Variants in PGM1 observed in about 807,000 individuals in gnomAD.
The protein encoded by PGM1 is phosphoglucomutase 1.
A neutral mutation model predicts 55.6 loss-of-function variants in PGM1; 52 were observed. The ratio of observed to expected loss-of-function variants is 0.94; its 90% CI spans 0.75 to 1.18. The LOEUF is 1.18. Among genes scored for constraint, PGM1 ranks in the 50% most tolerant of loss-of-function variants. The pLI, the probability that PGM1 is intolerant of heterozygous loss-of-function variation, is 0.00. For synonymous variants in PGM1, 287 were observed against 271.7 expected, an observed-to-expected ratio of 1.06 and a Z score of -0.55; for missense variants, 724 against 729.3, an observed-to-expected ratio of 0.99 and a Z score of 0.08.
intron 4 of PGM1, among the ~76,000 whole-genome samples, chr1:63,632,383 A>C (rs1270928680): frequency 6.6e-6 from 1 of 152,154 alleles, no homozygotes; most frequent in East Asian, 1.9e-4. Context: ...ATACACATAC[A>C]TCTGCCTGGT....
intron 1 of PGM1, among the ~76,000 whole-genome samples, chr1:63,598,212 G>A (rs1648138578): frequency 6.6e-6 from 1 of 152,114 alleles, no homozygotes; most frequent in Non-Finnish European, 1.5e-5. Flanking sequence ...GGGCTCAAGC[G>A]ATCTGCCTGC....
chr1:63,649,441 T>G (rs1424803758), intron 8 of PGM1, among the ~76,000 whole-genome samples: 8 of 152,232 alleles, frequency 5.3e-5, no homozygotes, highest in Non-Finnish European at 1.0e-4. Context: ...ACAAGAATTT[T>G]TCTGGACCTC....
intron 3 of PGM1, among the ~76,000 whole-genome samples, chr1:63,631,417 T>G (rs1303090742): frequency 6.6e-6 from 1 of 152,202 alleles, no homozygotes; most frequent in Non-Finnish European, 1.5e-5. Flanking sequence ...CACGTCGAGT[T>G]TCCTCATCTA....
At chr1:63,626,645 C>T (rs1045101995) in intron 1 of PGM1, among the ~76,000 whole-genome samples, 1 of 151,834 alleles carries the variant, frequency 6.6e-6, no homozygotes. Flanking sequence ...TATATATGTC[C>T]TTCCAATCAC....
intron 1 of PGM1, among the ~76,000 whole-genome samples, chr1:63,620,292 T>C (rs1453996374): frequency 6.6e-6 from 1 of 152,126 alleles, no homozygotes; most frequent in Non-Finnish European, 1.5e-5. Flanking sequence ...GCTGGAGAAA[T>C]GAATAACCGT....
Position 63,636,238 on chromosome 1 carries a change from G to A in PGM1, c.878G>A (p.Arg293Gln), listed in dbSNP as rs1466885233. 11 of 1,613,838 alleles carry A rather than the reference G, an allele frequency of 6.8e-6. No homozygotes were observed. The highest frequency in any genetic ancestry group is 3.3e-5 in the Admixed American group (2 of 59,996). ...FGAAFDGDGD[R>Q]NMILGKHGFF... ...TGATCCTCTCTTCTCCCCAAGGATC[G>A]AAACATGATTCTGGGCAAGCATGGG... Residue 293 changes from arginine (R) to glutamine (Q), a missense_variant, in exon 6 of 11, where the codon CGA becomes CAA. Transcript: ENST00000371084.
At chr1:63,628,676 A>T (rs1421514759) in intron 1 of PGM1, among the ~76,000 whole-genome samples, 1 of 152,212 alleles carries the variant, frequency 6.6e-6, no homozygotes, top group African/African-American at 2.4e-5. Context: ...TCATTTTAGC[A>T]AAAAAGATTT....
intron 3 of PGM1, 65 bp downstream of exon 3, chr1:63,630,153 CGTTTTAGTA>C: frequency 6.7e-7 from 1 of 1,486,722 alleles, no homozygotes; most frequent in African/African-American, 1.4e-5. Flanking sequence ...TTCCTTTCAA[CGTTTTAGTA>C]GAGGGTCTTC....
In PGM1 at chr1:63,593,449, CCAAGTCCGCCGCTCTGACCCCCGGCAG is replaced by C; in HGVS notation, c.-33_-7del. ...CCTCAGCCGGCCGCCCCTCCGCCAG[CCAAGTCCGCCGCTCTGACCCCCGGCAG>C]CAAGTCGCCACCATGGTGAAGATCG... is the stretch of plus-strand genomic sequence containing the variant. On this transcript the variant is annotated 5_prime_UTR_variant, in exon 1 of 11. Coordinates refer to ENST00000371084, the MANE Select transcript of PGM1 (RefSeq NM_002633.3). 1 of 1,612,294 alleles carries C rather than the reference CCAAGTCCGCCGCTCTGACCCCCGGCAG, an allele frequency of 6.2e-7. No individual in the cohort carries two copies.
At chr1:63,636,693 A>G (rs141720391) in intron 6 of PGM1, among the ~76,000 whole-genome samples, 55 of 152,298 alleles carry the variant, frequency 3.6e-4, no homozygotes, top group African/African-American at 1.3e-3. Flanking sequence ...TGTTTTGTTC[A>G]CCATCTGGAC....
intron 1 of PGM1, among the ~76,000 whole-genome samples, chr1:63,615,536 CTCTTCT>C (rs1557706879): frequency 5.7e-5 from 8 of 140,312 alleles, no homozygotes; most frequent in South Asian, 2.2e-4. Flanking sequence ...CATTTCTCTC[CTCTTCT>C]TCTTCTTCTT....
In PGM1 at chr1:63,628,551, C is replaced by CA. The variant is rs536800395; in HGVS notation, c.247-869dup. 6.6e-4 allele frequency among the ~76,000 whole-genome samples: 101 copies of CA among 152,182 alleles called. 3 individuals carry two copies. In the Middle Eastern group the frequency reaches 0.02, roughly 31 times the overall value. On this transcript the variant is annotated intron_variant, in intron 1 of 10. Transcript: ENST00000371084. ...TCAATCATGTTTATCTTGGGTGAAGCAAAAAGAAATAACAAATGGAAAATG... is the reference window on the plus strand; with the variant it reads ...TCAATCATGTTTATCTTGGGTGAAGCAAAAAAGAAATAACAAATGGAAAATG...
Position 63,654,380 on chromosome 1 carries a change from A to T in PGM1, c.1513A>T (p.Ser505Cys), listed in dbSNP as rs1292374944. Residue 505 changes from serine to cysteine, a missense_variant, in exon 10 of 11, where the codon AGC (serine) becomes TGC (cysteine). Around this residue, in one of 3 missense-constraint regions of PGM1, gnomAD observed 316 missense variants for 313.1 expected, o/e 1.01. Transcript: ENST00000371084. ...TDGSRIVFRL[S>C]GTGSAGATIR... ...TGGTTCTCGAATCGTCTTCCGACTG[A>T]GCGGCACTGGGAGTGCCGGGGCCAC... 6.8e-6 allele frequency: 11 copies of T among 1,613,538 alleles called. No individual in the cohort carries two copies. Among genetic ancestry groups the T allele is most frequent in the Non-Finnish European group, 9.3e-6 (11 of 1,179,470 alleles).
At chr1:63,623,806 C>G (rs747731495) in intron 1 of PGM1, 42 of 1,382,344 alleles carry the variant, frequency 3.0e-5, no homozygotes, top group Non-Finnish European at 4.2e-5. Context: ...CTCCAAATAA[C>G]CTTAATTTTA....
chr1:63,616,602 C>A (rs1159990518), intron 1 of PGM1, among the ~76,000 whole-genome samples: 1 of 152,192 alleles, frequency 6.6e-6, no homozygotes, highest in African/African-American at 2.4e-5. Context: ...GAAATGAATA[C>A]AACACATCGG....
intron 7 of PGM1, among the ~76,000 whole-genome samples, chr1:63,645,973 A>C (rs1036789638): frequency 5.9e-5 from 9 of 152,202 alleles, no homozygotes; most frequent in South Asian, 4.1e-4. Context: ...TTGAGACTCG[A>C]GGAGGCTGAT....
At chr1:63,642,976 C>T (rs183134355) in intron 7 of PGM1, among the ~76,000 whole-genome samples, 2 of 152,288 alleles carry the variant, frequency 1.3e-5, no homozygotes, top group African/African-American at 4.8e-5. Flanking sequence ...CCATGAATTA[C>T]AGGTGTGCAA....
chr1:63,612,414 T>C (rs1426146878), intron 1 of PGM1, among the ~76,000 whole-genome samples: 1 of 152,222 alleles, frequency 6.6e-6, no homozygotes, highest in Non-Finnish European at 1.5e-5. Flanking sequence ...GAATGATTGA[T>C]ATATAGTTCA....
At chr1:63,614,851 C>T (rs532474414) in intron 1 of PGM1, among the ~76,000 whole-genome samples, 1 of 152,302 alleles carries the variant, frequency 6.6e-6, no homozygotes, top group Non-Finnish European at 1.5e-5. Context: ...GCTTGTAATG[C>T]ATTTGAAACA....
Sources: gnomAD v4.1 joint callset for allele counts (sites outside exome capture counted in the v4.1 genomes callset) on GRCh38, gnomAD v4.1.1 for gene constraint, gnomAD v4.1.1 regional missense constraint, MANE v1.5 for transcripts, NCBI Gene and HGNC (gene_info 2026-07-23, HGNC 2026-07-21) for gene names.